FAM193A: variants seen among roughly 807,000 people sequenced by gnomAD.
FAM193A encodes family with sequence similarity 193 member A.
In FAM193A, 22 loss-of-function variants were observed where a neutral mutation model predicts 126.5. The observed-to-expected ratio is 0.17, with a 90% CI of 0.12 to 0.25. The LOEUF is 0.25. Among genes scored for constraint, FAM193A ranks in the 10% least tolerant of loss-of-function variants. The pLI is 1.00. For synonymous variants in FAM193A, 761 were observed against 646.8 expected (o/e 1.18, Z -2.68); for missense variants, 1,675 against 1,672.8 (o/e 1.00, Z -0.02).
rs150567078 is a variant in FAM193A at position 2,646,703 on chromosome 4, C to G, written c.1182C>G (p.His394Gln). Residue 394 changes from histidine (H) to glutamine (Q), a missense_variant, in exon 7 of 21, where the codon CAC (histidine) becomes CAG (glutamine). By Grantham distance (24) the His-to-Gln change is conservative. Around this residue, in one of 4 missense-constraint regions of FAM193A, gnomAD observed 1,186 missense variants for 1,109.2 expected, o/e 1.07. Coordinates refer to ENST00000637812, the MANE Select transcript of FAM193A (RefSeq NM_001366318.2). ...VSQIRLGTTT[H>Q]DTCSEDTYST... ...CTCCTAGGCTAGGAACCACCACACA[C>G]GACACCTGCAGTGAGGACACATACA... The G allele has an allele frequency of 6.2e-7, 1 of 1,609,392 alleles. No homozygotes were observed. The highest frequency in any genetic ancestry group is 1.1e-5 in the South Asian group (1 of 90,394).
chr4:2,536,435 C>G (rs1295512033), upstream of FAM193A, among the ~76,000 whole-genome samples: 1 of 151,906 alleles, frequency 6.6e-6, no homozygotes, highest in Non-Finnish European at 1.5e-5. Context: ...CGTGGTCCAC[C>G]CCCGGGTACC....
In FAM193A at chr4:2,580,895, C is replaced by T. The variant is rs377614851; in HGVS notation, c.256-15189C>T. Among the ~76,000 whole-genome samples, 107 of 152,234 alleles carry T rather than the reference C, an allele frequency of 7.0e-4. No individual in the cohort carries two copies. The East Asian group carries it at 0.017, about 24-fold the overall frequency. The stretch of plus-strand genomic sequence containing the variant: ...CTGTAATCCCAGCACTTTGGGAGGC[C>T]GAGGCGGGCAGATCACAAGGTCAGG... On this transcript the variant is annotated intron_variant, in intron 1 of 20. Transcript: ENST00000637812.
intron 1 of FAM193A, among the ~76,000 whole-genome samples, chr4:2,561,497 C>CTTTTTTT (rs34320054): frequency 2.6e-5 from 3 of 117,548 alleles, no homozygotes; most frequent in Non-Finnish European, 5.2e-5. Context: ...GTAGAGATTT[C>CTTTTTTT]TTTTTTTTTT....
intron 1 of FAM193A, among the ~76,000 whole-genome samples, chr4:2,581,696 C>T (rs958766914): frequency 3.9e-5 from 6 of 151,938 alleles, no homozygotes; most frequent in Admixed American, 2.0e-4. Flanking sequence ...TGCTCCAGCC[C>T]GGGCTGGAGT....
At chr4:2,675,767 C>T (rs906384290) in intron 13 of FAM193A, among the ~76,000 whole-genome samples, 2 of 152,186 alleles carry the variant, frequency 1.3e-5, no homozygotes, top group Non-Finnish European at 2.9e-5. Flanking sequence ...TCTTGTAAAG[C>T]TGGAGGTTTT....
chr4:2,606,503 G>A (rs1014191389), intron 2 of FAM193A, among the ~76,000 whole-genome samples: 1 of 152,118 alleles, frequency 6.6e-6, no homozygotes, highest in Non-Finnish European at 1.5e-5. Context: ...TTTCTTTGAT[G>A]CTGTACCAAA....
intron 1 of FAM193A, among the ~76,000 whole-genome samples, chr4:2,565,555 C>T (rs2108847935): frequency 6.6e-6 from 1 of 151,900 alleles, no homozygotes; most frequent in South Asian, 2.1e-4. Context: ...CGTGCTCAGC[C>T]AGAGTAGCCA....
At chr4:2,600,300 C>T (rs570935512) in intron 2 of FAM193A, among the ~76,000 whole-genome samples, 12 of 152,192 alleles carry the variant, frequency 7.9e-5, no homozygotes, top group African/African-American at 1.7e-4. Flanking sequence ...CCTGAGTTCC[C>T]GGACTTGGCA....
intron 12 of FAM193A, among the ~76,000 whole-genome samples, chr4:2,668,159 A>T (rs925482752): frequency 2.6e-5 from 4 of 151,958 alleles, no homozygotes; most frequent in African/African-American, 9.7e-5. Context: ...CCCGCCAGGA[A>T]ATCCCAAAGT....
intron 14 of FAM193A, among the ~76,000 whole-genome samples, chr4:2,690,205 G>C (rs1299439169): frequency 6.6e-6 from 1 of 152,174 alleles, no homozygotes; most frequent in African/African-American, 2.4e-5. Context: ...AGGCCCAGCC[G>C]TTACTTCAGT....
At chr4:2,617,887 G>C (rs1742306658) in intron 2 of FAM193A, among the ~76,000 whole-genome samples, 1 of 152,018 alleles carries the variant, frequency 6.6e-6, no homozygotes. Context: ...TCTTTATCAT[G>C]TGTGGTGCTC....
intron 1 of FAM193A, among the ~76,000 whole-genome samples, chr4:2,556,274 C>T (rs956618351): frequency 1.3e-5 from 2 of 151,916 alleles, no homozygotes; most frequent in African/African-American, 2.4e-5. Context: ...GACGCGATCT[C>T]GGCTCGCTGC....
intron 13 of FAM193A, among the ~76,000 whole-genome samples, chr4:2,687,022 G>T (rs1225431148): frequency 2.0e-5 from 3 of 152,022 alleles, no homozygotes; most frequent in Non-Finnish European, 4.4e-5. Flanking sequence ...TGTATCCTGG[G>T]TGGCCCGTCT....
At chr4:2,650,558 T>C (rs1239954083) in intron 7 of FAM193A, among the ~76,000 whole-genome samples, 4 of 152,174 alleles carry the variant, frequency 2.6e-5, no homozygotes, top group African/African-American at 4.8e-5. Flanking sequence ...CTCAGGGCTC[T>C]GAAGCCCAGG....
chr4:2,687,443 G>C (rs1329546299), intron 13 of FAM193A, among the ~76,000 whole-genome samples: 1 of 152,124 alleles, frequency 6.6e-6, no homozygotes. Context: ...TTTGCCTGAG[G>C]TCACACAGCT....
intron 20 of FAM193A, among the ~76,000 whole-genome samples, chr4:2,717,394 G>C (rs1719658900): frequency 6.6e-6 from 1 of 152,040 alleles, no homozygotes; most frequent in Non-Finnish European, 1.5e-5. Flanking sequence ...TCAGGAGTTC[G>C]AGACGAGCCT....
intron 2 of FAM193A, among the ~76,000 whole-genome samples, chr4:2,604,389 C>T (rs1741402300): frequency 6.6e-6 from 1 of 152,052 alleles, no homozygotes; most frequent in Non-Finnish European, 1.5e-5. Context: ...GGTTTTATTG[C>T]TTTTTTGGTG....
chr4:2,704,522 G>A (rs535510914), intron 19 of FAM193A, among the ~76,000 whole-genome samples: 6 of 151,282 alleles, frequency 4.0e-5, no homozygotes, highest in African/African-American at 1.5e-4. Flanking sequence ...TCAAGATCAC[G>A]CCACTGCATT....
intron 7 of FAM193A, among the ~76,000 whole-genome samples, chr4:2,647,377 C>A (rs990044429): frequency 2.0e-5 from 3 of 152,192 alleles, no homozygotes; most frequent in African/African-American, 7.2e-5. Context: ...AACTCCCGAC[C>A]TCAGGTGGTT....
Sources: allele counts gnomAD v4.1 joint callset (sites outside exome capture counted in the v4.1 genomes callset), GRCh38; gene constraint gnomAD v4.1.1; regional missense constraint gnomAD v4.1.1; transcripts MANE v1.5; gene names NCBI Gene and HGNC (gene_info 2026-07-23, HGNC 2026-07-21).